The following GLIS1 variants were observed in gnomAD, a reference collection of about 807,000 sequenced individuals.
GLIS1 encodes zinc finger protein GLIS1.
A neutral mutation model predicts 63.8 loss-of-function variants in GLIS1; 24 were observed. The observed-to-expected ratio is 0.38, with a 90% CI of 0.27 to 0.53. GLIS1 has a LOEUF of 0.53. Ranked by LOEUF, GLIS1 falls within the 20% of genes least tolerant of loss-of-function variation. GLIS1 has a pLI of 0.85. For missense variants in GLIS1, 1,036 were observed against 1,074.1 expected, an observed-to-expected ratio of 0.96 and a Z score of 0.50; for synonymous variants, 450 against 482.5, an observed-to-expected ratio of 0.93 and a Z score of 0.88.
Position 53,506,411 on chromosome 1 carries a change from C to T in GLIS1, c.*208G>A, listed in dbSNP as rs543001533. The T allele has an allele frequency of 8.8e-6, 5 of 567,006 alleles. No homozygotes were observed. The highest frequency in any genetic ancestry group is 5.6e-5 in the African/African-American group (3 of 53,616). The allele number at this position is 567,006 out of a possible 1,614,324, so 35.1% of individuals were successfully genotyped here. On this transcript the variant is annotated 3_prime_UTR_variant, in exon 11 of 11. Transcript: ENST00000628545. The stretch of plus-strand genomic sequence containing the variant: ...AATGTTACAGGGCCACAGATCCTGG[C>T]GGGCACCTCTGTGCGCCCAGCTCAA...
intron 4 of GLIS1, among the ~76,000 whole-genome samples, chr1:53,559,385 T>C (rs1644862918): frequency 6.6e-6 from 1 of 152,158 alleles, no homozygotes; most frequent in Non-Finnish European, 1.5e-5. Flanking sequence ...TTTTGGACTC[T>C]GAGATGGAAG....
chr1:53,673,705 G>A (rs1003442692), intron 2 of GLIS1, among the ~76,000 whole-genome samples: 1 of 152,216 alleles, frequency 6.6e-6, no homozygotes, highest in Non-Finnish European at 1.5e-5. Context: ...ACAAAAGAAC[G>A]AAGTTCAATT....
chr1:53,518,174 G>A (rs1018323416), intron 7 of GLIS1, among the ~76,000 whole-genome samples: 3 of 152,150 alleles, frequency 2.0e-5, no homozygotes, highest in Non-Finnish European at 2.9e-5. Context: ...TGCCCTCCCC[G>A]CTGCACTGGA....
chr1:53,506,521 C>G lies in GLIS1; in HGVS notation c.*98G>C. The G allele has an allele frequency of 7.7e-7, 1 of 1,305,728 alleles. No individual in the cohort carries two copies. Among genetic ancestry groups the G allele is most frequent in the Non-Finnish European group, 1.1e-6 (1 of 926,802 alleles). 80.9% of individuals were successfully genotyped at this position (1,305,728 alleles called of 1,614,324 possible). ...CATGGCCTGGCTGTTCCGGCTGTGGCCTGGCACTCCTGCTAGGTGCACGGA... is the reference window on the plus strand; with the variant it reads ...CATGGCCTGGCTGTTCCGGCTGTGGGCTGGCACTCCTGCTAGGTGCACGGA... On this transcript the variant is annotated 3_prime_UTR_variant, in exon 11 of 11. Coordinates refer to ENST00000628545, the MANE Select transcript of GLIS1 (RefSeq NM_001367484.1).
At chr1:53,572,995 A>G (rs892337771) in intron 4 of GLIS1, among the ~76,000 whole-genome samples, 2 of 152,198 alleles carry the variant, frequency 1.3e-5, no homozygotes, top group African/African-American at 4.8e-5. Context: ...AGCCTAGCAC[A>G]CCAAAGGCTC....
chr1:53,645,911 T>A (rs1645840268), intron 2 of GLIS1, among the ~76,000 whole-genome samples: 1 of 152,218 alleles, frequency 6.6e-6, no homozygotes, highest in South Asian at 2.1e-4. Flanking sequence ...CAAAGCCTTA[T>A]TGACCTGCCA....
chr1:53,518,064 C>T (rs913168066), intron 7 of GLIS1, among the ~76,000 whole-genome samples: 1 of 152,242 alleles, frequency 6.6e-6, no homozygotes, highest in African/African-American at 2.4e-5. Flanking sequence ...CTGGCCCTAA[C>T]ATCTGTTCCC....
At chr1:53,649,256 C>T (rs1195037497) in intron 2 of GLIS1, among the ~76,000 whole-genome samples, 2 of 152,184 alleles carry the variant, frequency 1.3e-5, no homozygotes, top group African/African-American at 4.8e-5. Flanking sequence ...ACAAACTGTA[C>T]ATGGCACCAT....
intron 4 of GLIS1, among the ~76,000 whole-genome samples, chr1:53,567,407 A>C (rs1453179786): frequency 6.6e-6 from 1 of 152,248 alleles, no homozygotes; most frequent in Non-Finnish European, 1.5e-5. Context: ...ACTTATGTTG[A>C]AAAGGGAAGC....
chr1:53,637,096 C>T (rs1645733719), intron 2 of GLIS1, among the ~76,000 whole-genome samples: 1 of 149,884 alleles, frequency 6.7e-6, no homozygotes, highest in Non-Finnish European at 1.5e-5. Flanking sequence ...TGGCTTCTTC[C>T]CTAGGAGACC....
chr1:53,681,642 C>CT (rs1233473012), intron 2 of GLIS1, among the ~76,000 whole-genome samples: 1 of 152,218 alleles, frequency 6.6e-6, no homozygotes, highest in African/African-American at 2.4e-5. Context: ...ATGGCTATTT[C>CT]TTTTCAAGGA....
intron 7 of GLIS1, among the ~76,000 whole-genome samples, chr1:53,517,119 G>A (rs561856670): frequency 6.6e-6 from 1 of 152,106 alleles, no homozygotes; most frequent in Non-Finnish European, 1.5e-5. Flanking sequence ...CAAAGTCACA[G>A]AGTAGGCGGC....
rs1644470203 is a variant in GLIS1 at position 53,526,471 on chromosome 1, CCT to C, written c.1483-1586_1483-1585del. Among the ~76,000 whole-genome samples, 1 of 152,096 alleles carries C rather than the reference CCT, an allele frequency of 6.6e-6. No individual in the cohort carries two copies. The highest frequency in any genetic ancestry group is 6.5e-5 in the Admixed American group (1 of 15,278). On this transcript the variant is annotated intron_variant, in intron 5 of 10. Transcript: ENST00000628545. This position sits in a 1 kb window ranked among gnomAD's most constrained non-coding sequence, Gnocchi z 4.4. ...GAGCGGAGGCCTGCCGCGGATGGCC[CCT>C]GCTGCCCCCAGCCCACCGCACCCCA... is the stretch of plus-strand genomic sequence containing the variant.
chr1:53,523,614 C>T (rs911044782), intron 6 of GLIS1, among the ~76,000 whole-genome samples: 8 of 152,150 alleles, frequency 5.3e-5, no homozygotes, highest in Non-Finnish European at 7.4e-5. Context: ...CCCTCCCTGG[C>T]GCTCAAGGAC....
chr1:53,588,393 C>G (rs553313114), intron 4 of GLIS1, among the ~76,000 whole-genome samples: 41 of 152,332 alleles, frequency 2.7e-4, no homozygotes, highest in South Asian at 1.2e-3. Flanking sequence ...CACTTTCCCA[C>G]AGCCTAAACC....
chr1:53,580,291 T>C (rs1645072443), intron 4 of GLIS1, among the ~76,000 whole-genome samples: 1 of 152,130 alleles, frequency 6.6e-6, no homozygotes, highest in Admixed American at 6.5e-5. Context: ...CCCCAAGCCC[T>C]CCCTTTCCCG....
intron 4 of GLIS1, among the ~76,000 whole-genome samples, chr1:53,535,770 G>A (rs918267164): frequency 2.6e-5 from 4 of 151,982 alleles, no homozygotes; most frequent in African/African-American, 7.2e-5. Context: ...CCATTTCCAC[G>A]AGCTATCTGA....
At chr1:53,618,196 A>C (rs1645503060) in intron 2 of GLIS1, among the ~76,000 whole-genome samples, 1 of 152,222 alleles carries the variant, frequency 6.6e-6, no homozygotes, top group Non-Finnish European at 1.5e-5. Flanking sequence ...TCACCTCCCC[A>C]ACCCTTGCCC....
intron 10 of GLIS1, among the ~76,000 whole-genome samples, chr1:53,507,476 G>C (rs556888637): frequency 6.6e-6 from 1 of 152,282 alleles, no homozygotes; most frequent in South Asian, 2.1e-4. Flanking sequence ...CCCTTGACTT[G>C]GGAGGGGCCG....
Sources: gnomAD v4.1 joint callset for allele counts (sites outside exome capture counted in the v4.1 genomes callset) on GRCh38, gnomAD v4.1.1 for gene constraint, Gnocchi (gnomAD v3.1) non-coding constraint, MANE v1.5 for transcripts, NCBI Gene and HGNC (gene_info 2026-07-23, HGNC 2026-07-21) for gene names.